AHNAK2: variants seen among roughly 807,000 people sequenced by gnomAD.
The protein encoded by AHNAK2 is protein AHNAK2.
In AHNAK2, 18 loss-of-function variants were observed where a neutral mutation model predicts 30.7. The ratio of observed to expected loss-of-function variants is 0.59; its 90% CI spans 0.41 to 0.87. The LOEUF is 0.87. Ranked by LOEUF, AHNAK2 falls within the 40% of genes least tolerant of loss-of-function variation. AHNAK2 has a pLI of 0.00. For missense variants in AHNAK2, 8,604 were observed against 7,373.0 expected (o/e 1.17, Z -6.11); for synonymous variants, 3,590 against 3,073.8 (o/e 1.17, Z -5.56).
chr14:104,952,853 G>C lies in AHNAK2; in HGVS notation c.2598C>G (p.Asp866Glu). ...CCCCCTGCATGGAGGAGAGGCTCAC[G>C]TCGGCCTCCACCTTCGGCGCAGACA... ...VDVSAPKVEA[D>E]VSLSSMQGDL... Residue 866 changes from aspartate to glutamate, a missense_variant, in exon 7 of 7, where the codon GAC becomes GAG. Asp to Glu is a conservative substitution (Grantham distance 45). Coordinates refer to ENST00000333244, the MANE Select transcript of AHNAK2 (RefSeq NM_138420.4). 6.2e-7 allele frequency: 1 copy of C among 1,612,512 alleles called. No individual in the cohort carries two copies. The highest frequency in any genetic ancestry group is 8.5e-7 in the Non-Finnish European group (1 of 1,179,554).
chr14:104,944,246 G>C lies in AHNAK2; in HGVS notation c.11205C>G (p.Asp3735Glu). The change falls in exon 7 of 7, where the codon GAC becomes GAG. Residue 3735 changes from aspartate (D) to glutamate (E), a missense_variant. Transcript: ENST00000333244. ...TGATGTCCACCTGGGGGCCCTTGAG[G>C]TCCACTTTGGGCATCTTCAAACTGG... is the stretch of plus-strand genomic sequence containing the variant. ...EMPSLKMPKVDLKGPQVDIKG... is the reference protein window; with the variant it reads ...EMPSLKMPKVELKGPQVDIKG... 1 of 1,612,836 alleles carries C rather than the reference G, an allele frequency of 6.2e-7. No homozygotes were observed.
Position 104,939,866 on chromosome 14 carries a change from G to C in AHNAK2, c.15585C>G (p.Phe5195Leu), listed in dbSNP as rs1447716730. Reference sequence around the variant, plus strand: ...AAGAGCGCCTAAGGCTGGGCATGCGGAACTTGGGCATTTTAAACCAGCTTT... The same window carrying C: ...AAGAGCGCCTAAGGCTGGGCATGCGCAACTTGGGCATTTTAAACCAGCTTT... ...SQESWFKMPK[F>L]RMPSLRRSFR... Residue 5195 changes from phenylalanine (F) to leucine (L), a missense_variant, in exon 7 of 7, where the codon TTC becomes TTG. Physicochemically the swap from Phe to Leu is conservative, Grantham distance 22 (BLOSUM62 0). Transcript: ENST00000333244. 6.2e-7 allele frequency: 1 copy of C among 1,613,552 alleles called. No individual in the cohort carries two copies. The highest frequency in any genetic ancestry group is 8.5e-7 in the Non-Finnish European group (1 of 1,179,842).
rs1316323887 is a variant in AHNAK2 at position 104,947,074 on chromosome 14, C to A, written c.8377G>T (p.Ala2793Ser). The A allele has an allele frequency of 1.9e-6, 3 of 1,612,584 alleles. No homozygotes were observed. In the Admixed American group the frequency reaches 5.0e-5, roughly 27 times the overall value. ...VQAPRAKLDG[A>S]RLEGDLSLAD... ...AGGGACAGGTCCCCCTCCAGCCGCG[C>A]ACCATCCAGCTTTGCTCTCGGGGCC... Residue 2793 changes from alanine to serine, a missense_variant, in exon 7 of 7, where the codon GCG becomes TCG. By Grantham distance (99) the Ala-to-Ser change is moderately conservative. Transcript: ENST00000333244.
In AHNAK2 at chr14:104,947,589, G is replaced by C. The variant is rs760405983; in HGVS notation, c.7862C>G (p.Pro2621Arg). Residue 2621 changes from proline (P) to arginine (R), a missense_variant, in exon 7 of 7, where the codon CCG becomes CGG. By Grantham distance (103) the Pro-to-Arg change is moderately radical. Coordinates refer to ENST00000333244, the MANE Select transcript of AHNAK2 (RefSeq NM_138420.4). ...LSSMEVDVQA[P>R]RAKLDGARLE... ...CCGCGCACCATCCAGCTTTGCTCTC[G>C]GGGCCTGGACGTCCACCTCCATGCT... is the stretch of plus-strand genomic sequence containing the variant. The C allele has an allele frequency of 8.7e-6, 14 of 1,612,722 alleles. No individual in the cohort carries two copies. The highest frequency in any genetic ancestry group is 5.0e-5 in the Admixed American group (3 of 59,906).
intron 1 of AHNAK2, among the ~76,000 whole-genome samples, chr14:104,961,867 G>C (rs1336379924): frequency 6.6e-6 from 1 of 152,098 alleles, no homozygotes; most frequent in Non-Finnish European, 1.5e-5. Context: ...CAGCTACTCG[G>C]GAGGCTGAGG....
At position 104,947,989 on chromosome 14, in the gene AHNAK2, A is replaced by C. The variant is rs1898396750; in HGVS notation, c.7462T>G (p.Phe2488Val). 1 of 1,611,976 alleles carries C rather than the reference A, an allele frequency of 6.2e-7. No individual in the cohort carries two copies. Among genetic ancestry groups the C allele is most frequent in the African/African-American group, 1.4e-5 (1 of 74,056 alleles). ...GACACCCCGAATGACGGCATCTTGA[A>C]CTTGGGAATTTTGAACCTGCTGTCT... ...TKDSRFKIPK[F>V]KMPSFGVSAP... Residue 2488 changes from phenylalanine to valine, a missense_variant, in exon 7 of 7, where the codon TTC (phenylalanine) becomes GTC (valine). Physicochemically the swap from Phe to Val is conservative, Grantham distance 50 (BLOSUM62 -1). Coordinates refer to ENST00000333244, the MANE Select transcript of AHNAK2 (RefSeq NM_138420.4).
rs779474878 is a variant in AHNAK2 at position 104,953,673 on chromosome 14, G to A, written c.1778C>T (p.Ser593Leu). 45 of 1,613,598 alleles carry A rather than the reference G, an allele frequency of 2.8e-5. No homozygotes were observed. Among genetic ancestry groups the A allele is most frequent in the Non-Finnish European group, 3.3e-5 (39 of 1,179,856 alleles). ...GCCTGTCTTTGTGTGCTTGCTTGGC[G>A]ACCATCCTAAGGAGGGTATCTTGAA... ...PKFKIPSLGW[S>L]PSKHTKTGRE... Residue 593 changes from serine to leucine, a missense_variant, in exon 7 of 7, where the codon TCG (serine) becomes TTG (leucine). Physicochemically the swap from Ser to Leu is moderately radical, Grantham distance 145. Coordinates refer to ENST00000333244, the MANE Select transcript of AHNAK2 (RefSeq NM_138420.4).
At chr14:104,964,592 C>T (rs1412393236) in intron 1 of AHNAK2, among the ~76,000 whole-genome samples, 1 of 152,100 alleles carries the variant, frequency 6.6e-6, no homozygotes, top group Non-Finnish European at 1.5e-5. Flanking sequence ...AAAAAAAATG[C>T]GAGGTATTTG....
Position 104,942,510 on chromosome 14 carries a change from C to G in AHNAK2, c.12941G>C (p.Gly4314Ala), listed in dbSNP as rs1595392349. 1.2e-6 allele frequency: 2 copies of G among 1,613,168 alleles called. No homozygotes were observed. The highest frequency in any genetic ancestry group is 1.3e-5 in the African/African-American group (1 of 74,830). The change falls in exon 7 of 7, where the codon GGC becomes GCC. Residue 4314 changes from glycine to alanine, a missense_variant. Coordinates refer to ENST00000333244, the MANE Select transcript of AHNAK2 (RefSeq NM_138420.4). The stretch of plus-strand genomic sequence containing the variant: ...ATCCAACGAGGCCTCGATGGACTTG[C>G]CTGGGGCAGACACCCCGAACGACGG... ...KMPSFGVSAP[G>A]KSIEASLDVS...
rs747151610 is a variant in AHNAK2 at position 104,950,684 on chromosome 14, C to G, written c.4767G>C (p.Val1589=). The part of the protein sequence containing the change: ...VQMPSFKMPK[V]DLKGPQIDVK... ...CATCTATCTGGGGCCCCTTGAGGTCCACTTTGGGCATCTTGAAACTGGGCA... is the reference window on the plus strand; with the variant it reads ...CATCTATCTGGGGCCCCTTGAGGTCGACTTTGGGCATCTTGAAACTGGGCA... The change falls in exon 7 of 7, where the codon GTG becomes GTC. Residue 1589 remains valine, a synonymous_variant. Coordinates refer to ENST00000333244, the MANE Select transcript of AHNAK2 (RefSeq NM_138420.4). The G allele has an allele frequency of 6.3e-7, 1 of 1,587,744 alleles. No homozygotes were observed. The highest frequency in any genetic ancestry group is 8.6e-7 in the Non-Finnish European group (1 of 1,162,906).
In AHNAK2 at chr14:104,953,542, CTT is replaced by C. The variant is rs781755385; in HGVS notation, c.1907_1908del (p.Lys636ArgfsTer4). 2 of 1,613,922 alleles carry C rather than the reference CTT, an allele frequency of 1.2e-6. No homozygotes were observed. The highest frequency in any genetic ancestry group is 1.7e-6 in the Non-Finnish European group (2 of 1,179,824). On this transcript the variant is annotated frameshift_variant, in exon 7 of 7. Transcript: ENST00000333244. LOFTEE classifies it low-confidence loss of function (END_TRUNC). ...QRRTEEGLKD[K>X]EDSDSMTNTT... Reference sequence around the variant, plus strand: ...GTGTTTGTCATTGAGTCACTGTCTTCTTTGTCTTTTAATCCTTCCTCTGTGCG... The same window carrying C: ...GTGTTTGTCATTGAGTCACTGTCTTCTGTCTTTTAATCCTTCCTCTGTGCG...
At position 104,949,636 on chromosome 14, in the gene AHNAK2, T is replaced by C. The variant is rs1898543475; in HGVS notation, c.5815A>G (p.Lys1939Glu). ...KGAKLDLKGP[K>E]AEVTAPDVEV... ...ACATCGGGGGCTGTCACTTCCGCCT[T>C]GGGGCCTTTCAGGTCCAGCTTGGCG... The change falls in exon 7 of 7, where the codon AAG (lysine) becomes GAG (glutamate). Residue 1939 changes from lysine to glutamate, a missense_variant. By Grantham distance (56) the Lys-to-Glu change is moderately conservative (BLOSUM62 1). Coordinates refer to ENST00000333244, the MANE Select transcript of AHNAK2 (RefSeq NM_138420.4). 1.3e-6 allele frequency: 2 copies of C among 1,588,524 alleles called. 1 individual carries two copies. Among genetic ancestry groups the C allele is most frequent in the African/African-American group, 2.7e-5 (2 of 73,142 alleles).
chr14:104,946,857 G>T lies in AHNAK2; in HGVS notation c.8594C>A (p.Pro2865His). Residue 2865 changes from proline (P) to histidine (H), a missense_variant, in exon 7 of 7, where the codon CCC becomes CAC. Pro to His is a moderately conservative substitution (Grantham distance 77). Transcript: ENST00000333244. ...DLKTTDIRIQ[P>H]PSAQLEVQAG... ...CTGGACCTCCAGTTGGGCGGAGGGG[G>T]GCTGAATGCGGATGTCAGTGGTCTT... The T allele has an allele frequency of 6.2e-7, 1 of 1,612,546 alleles. No homozygotes were observed. Among genetic ancestry groups the T allele is most frequent in the Non-Finnish European group, 8.5e-7 (1 of 1,179,676 alleles).
Position 104,944,644 on chromosome 14 carries a change from T to G in AHNAK2, c.10807A>C (p.Ser3603Arg). 6.2e-7 allele frequency: 1 copy of G among 1,613,220 alleles called. No homozygotes were observed. The highest frequency in any genetic ancestry group is 8.5e-7 in the Non-Finnish European group (1 of 1,179,672). The change falls in exon 7 of 7, where the codon AGC (serine) becomes CGC (arginine). Residue 3603 changes from serine to arginine, a missense_variant. Coordinates refer to ENST00000333244, the MANE Select transcript of AHNAK2 (RefSeq NM_138420.4). Reference sequence around the variant, plus strand: ...GGGGCCTGGACATCCACCTCCACGCTGGGCAGAGACACCTCGACATCGGGG... The same window carrying G: ...GGGGCCTGGACATCCACCTCCACGCGGGGCAGAGACACCTCGACATCGGGG... ...RVPDVEVSLP[S>R]VEVDVQAPKA...
rs1897915991 is a variant in AHNAK2, at chr14:104,939,552, T to A, written c.15899A>T (p.His5300Leu). The change falls in exon 7 of 7, where the codon CAT becomes CTT. Residue 5300 changes from histidine to leucine, a missense_variant. By Grantham distance (99) the His-to-Leu change is moderately conservative (BLOSUM62 -3). Transcript: ENST00000333244. The stretch of plus-strand genomic sequence containing the variant: ...AAAAGGGAGAGGTCCTTTGGATGGA[T>A]GGATCCTGACCTCAGAAGTGGAAAG... ...DELSTSEVRI[H>L]PSKGPLPFQM... is the part of the protein sequence containing the mutation. 6.2e-7 allele frequency: 1 copy of A among 1,613,854 alleles called. No homozygotes were observed. The highest frequency in any genetic ancestry group is 8.5e-7 in the Non-Finnish European group (1 of 1,179,900).
Position 104,946,831 on chromosome 14 carries a change from C to G in AHNAK2, c.8620G>C (p.Ala2874Pro), listed in dbSNP as rs772827989. The G allele has an allele frequency of 3.1e-6, 5 of 1,612,638 alleles. No homozygotes were observed. Among genetic ancestry groups the G allele is most frequent in the Admixed American group, 1.7e-5 (1 of 59,902 alleles). ...GGGAGTTTCACGTCCACCTGGCCAG[C>G]CTGGACCTCCAGTTGGGCGGAGGGG... is the stretch of plus-strand genomic sequence containing the variant. The part of the protein sequence containing the change: ...QPPSAQLEVQ[A>P]GQVDVKLPEG... The change falls in exon 7 of 7, where the codon GCT becomes CCT. Residue 2874 changes from alanine to proline, a missense_variant. Transcript: ENST00000333244.
Position 104,949,493 on chromosome 14 carries a change from G to A in AHNAK2, c.5958C>T (p.Ser1986=), listed in dbSNP as rs1898528006. 1.3e-6 allele frequency: 2 copies of A among 1,588,366 alleles called. No homozygotes were observed. Among genetic ancestry groups the A allele is most frequent in the Non-Finnish European group, 1.7e-6 (2 of 1,163,004 alleles). The stretch of plus-strand genomic sequence containing the variant: ...TCTTGAATTTGGGCATTTTGAACTT[G>A]CTGTCTTTGGCAGTCATGTCCTTGT... The part of the protein sequence containing the change: ...LADKDMTAKD[S]KFKMPKFKMP... Residue 1986 remains serine, a synonymous_variant, in exon 7 of 7, where the codon AGC becomes AGT. Transcript: ENST00000333244.
intron 3 of AHNAK2, 56 bp from the exon 4 acceptor site, chr14:104,956,745 G>A: frequency 1.9e-6 from 3 of 1,541,910 alleles, no homozygotes; most frequent in Non-Finnish European, 2.7e-6. Flanking sequence ...GACAGGGAGG[G>A]GCACAGGTAG....
chr14:104,960,451 G>C (rs1899105088), intron 1 of AHNAK2, among the ~76,000 whole-genome samples: 1 of 152,154 alleles, frequency 6.6e-6, no homozygotes, highest in Non-Finnish European at 1.5e-5. Flanking sequence ...GTATAGGGGA[G>C]GGAAGATGTA....
Sources: gnomAD v4.1 joint callset for allele counts (sites outside exome capture counted in the v4.1 genomes callset) on GRCh38, gnomAD v4.1.1 for gene constraint, MANE v1.5 for transcripts, NCBI Gene and HGNC (gene_info 2026-07-23, HGNC 2026-07-21) for gene names.